Variants in RXRA observed in about 807,000 individuals in gnomAD.
The protein encoded by RXRA is retinoid X receptor alpha.
Under a neutral mutation model 44.5 loss-of-function variants are expected in RXRA, and 5 were observed. The ratio of observed to expected loss-of-function variants is 0.11; its 90% CI spans 0.06 to 0.24. The LOEUF (loss-of-function observed/expected upper bound fraction) is 0.24, where lower values mean the gene tolerates loss of function less well. Ranked by LOEUF, RXRA falls within the 10% of genes least tolerant of loss-of-function variation. The pLI is 1.00. For missense variants in RXRA, 412 were observed against 646.5 expected, an observed-to-expected ratio of 0.64 and a Z score of 3.93; for synonymous variants, 291 against 271.4, an observed-to-expected ratio of 1.07 and a Z score of -0.71.
Position 134,436,679 on chromosome 9 carries a change from C to T in RXRA, c.*65C>T. 1 of 1,592,786 alleles carries T rather than the reference C, an allele frequency of 6.3e-7. No homozygotes were observed. The highest frequency in any genetic ancestry group is 8.6e-7 in the Non-Finnish European group (1 of 1,165,832). ...CCCTGCCTGGACGCCAGCTGTTCTT[C>T]TCAGCCTGAGCCCTGTCCCTGCCCT... is the stretch of plus-strand genomic sequence containing the variant. On this transcript the variant is annotated 3_prime_UTR_variant, in exon 10 of 10. Transcript: ENST00000481739.
intron 1 of RXRA, among the ~76,000 whole-genome samples, chr9:134,345,035 A>T (rs1789187576): frequency 6.6e-6 from 1 of 152,146 alleles, no homozygotes; most frequent in South Asian, 2.1e-4. Context: ...GGCCAGAATC[A>T]CGAGGCCCAG....
chr9:134,378,103 G>C (rs1588273916), intron 1 of RXRA, among the ~76,000 whole-genome samples: 2 of 152,366 alleles, frequency 1.3e-5, no homozygotes, highest in East Asian at 3.9e-4. Context: ...TGGCGACGAG[G>C]AGCTAGCTCG....
chr9:134,414,993 C>G (rs993869037), intron 4 of RXRA, among the ~76,000 whole-genome samples: 3 of 152,182 alleles, frequency 2.0e-5, no homozygotes, highest in Middle Eastern at 3.2e-3. Context: ...TCTGCCAGAC[C>G]CTTGCCATTT....
intron 9 of RXRA, among the ~76,000 whole-genome samples, chr9:134,435,742 TC>T (rs1487469706): frequency 6.6e-6 from 1 of 152,142 alleles, no homozygotes. Context: ...CCGGGCCTGT[TC>T]CCTGCGACTC....
chr9:134,393,350 G>C (rs1830828139), intron 1 of RXRA, among the ~76,000 whole-genome samples: 1 of 152,252 alleles, frequency 6.6e-6, no homozygotes, highest in African/African-American at 2.4e-5. Flanking sequence ...TGCCCCTCCT[G>C]TCCACATCTG....
rs537231520 is a variant in RXRA at position 134,417,191 on chromosome 9, G to A, written c.644G>A (p.Arg215Gln). The change falls in exon 5 of 10, where the codon CGG becomes CAG. Residue 215 changes from arginine (R) to glutamine (Q), a missense_variant. Physicochemically the swap from Arg to Gln is conservative, Grantham distance 43. Transcript: ENST00000481739. This position sits in a 1 kb window ranked among gnomAD's most constrained non-coding sequence, Gnocchi z 6.1. The stretch of plus-strand genomic sequence containing the variant: ...GAGGAGCGGCAGCGTGGCAAGGACC[G>A]GAACGAGAATGAGGTGGAGTCGACC... ...VQEERQRGKDRNENEVESTSS... is the reference protein window; with the variant it reads ...VQEERQRGKDQNENEVESTSS... 4.3e-6 allele frequency: 7 copies of A among 1,613,158 alleles called. No individual in the cohort carries two copies. Among genetic ancestry groups the A allele is most frequent in the East Asian group, 2.2e-5 (1 of 44,876 alleles).
intron 6 of RXRA, among the ~76,000 whole-genome samples, chr9:134,427,992 G>A (rs1213273789): frequency 6.6e-6 from 1 of 152,106 alleles, no homozygotes; most frequent in African/African-American, 2.4e-5. Flanking sequence ...GTGTGTGCGC[G>A]AGGGTCCCTG....
At chr9:134,389,092 CGG>C (rs1564281383) in intron 1 of RXRA, among the ~76,000 whole-genome samples, 2 of 152,202 alleles carry the variant, frequency 1.3e-5, no homozygotes, top group African/African-American at 4.8e-5. Context: ...GGGTCCTCCT[CGG>C]AGAGTCACAT....
chr9:134,347,385 C>T lies in RXRA; in HGVS notation c.28+20726C>T, dbSNP rs560357934. Among the ~76,000 whole-genome samples, 18 of 152,370 alleles carry T rather than the reference C, an allele frequency of 1.2e-4. No individual in the cohort carries two copies. In the South Asian group the frequency reaches 3.7e-3, roughly 32 times the overall value. On this transcript the variant is annotated intron_variant, in intron 1 of 9. Transcript: ENST00000481739. ...GTGCTCGTGGTCAGCCTGCCTTTGT[C>T]TCTGCGCCCTGAGTGCAGCGCAGCT...
intron 3 of RXRA, 63 bp from the exon 4 acceptor site, chr9:134,408,877 G>T: frequency 2.1e-6 from 3 of 1,407,196 alleles, no homozygotes; most frequent in Admixed American, 2.7e-5. Flanking sequence ...GGCGTTGGAT[G>T]GGGGGTGGGC....
intron 1 of RXRA, among the ~76,000 whole-genome samples, chr9:134,351,387 G>T (rs1230217264): frequency 1.3e-5 from 2 of 152,182 alleles, no homozygotes; most frequent in Non-Finnish European, 2.9e-5. Context: ...CCGGCAGGCT[G>T]GTTGTGAGGC....
chr9:134,387,284 G>A (rs1474514870), intron 1 of RXRA, among the ~76,000 whole-genome samples: 1 of 152,250 alleles, frequency 6.6e-6, no homozygotes, highest in East Asian at 1.9e-4. Context: ...GAGTGCCAGG[G>A]CCCATGTGGA....
intron 4 of RXRA, among the ~76,000 whole-genome samples, chr9:134,411,876 G>T (rs537688428): frequency 6.6e-6 from 1 of 152,292 alleles, no homozygotes; most frequent in East Asian, 1.9e-4. Flanking sequence ...TGTGTGGGCT[G>T]CACAGCCAGG....
At chr9:134,372,997 GGAACCTGT>G (rs1468723396) in intron 1 of RXRA, among the ~76,000 whole-genome samples, 12 of 152,226 alleles carry the variant, frequency 7.9e-5, no homozygotes, top group African/African-American at 2.7e-4. Flanking sequence ...TGGCATTCCA[GGAACCTGT>G]GGTCAAGCCT....
chr9:134,424,285 A>C, intron 6 of RXRA: 2 of 985,272 alleles, frequency 2.0e-6, no homozygotes, highest in Non-Finnish European at 2.4e-6. Flanking sequence ...CCCTTCTAGG[A>C]TGCCTGGAAA....
chr9:134,342,092 G>A lies in RXRA; in HGVS notation c.28+15433G>A, dbSNP rs1830092997. On this transcript the variant is annotated intron_variant, in intron 1 of 9. Coordinates refer to ENST00000481739, the MANE Select transcript of RXRA (RefSeq NM_002957.6). This position sits in a 1 kb window ranked among gnomAD's most constrained non-coding sequence, Gnocchi z 4.4. ...GGGACATGAAGACCCCGAATGAGGA[G>A]GCGTCTCCCTGAAGGCGCTCTGCTG... is the stretch of plus-strand genomic sequence containing the variant. Among the ~76,000 whole-genome samples the A allele has an allele frequency of 1.3e-5, 2 of 152,138 alleles. No individual in the cohort carries two copies. The highest frequency in any genetic ancestry group is 2.4e-5 in the African/African-American group (1 of 41,426).
intron 1 of RXRA, among the ~76,000 whole-genome samples, chr9:134,344,745 C>T (rs1158216123): frequency 8.5e-5 from 13 of 152,320 alleles, no homozygotes; most frequent in Non-Finnish European, 1.6e-4. Flanking sequence ...ACCACCATAC[C>T]CCTTAGCAAC....
At chr9:134,424,864 T>G (rs936206435) in intron 6 of RXRA, 2 of 985,296 alleles carry the variant, frequency 2.0e-6, no homozygotes, top group African/African-American at 3.5e-5. Flanking sequence ...GGTTTTCTTC[T>G]GGCAGGAGGC....
Position 134,366,713 on chromosome 9 carries a change from G to C in RXRA, c.29-34919G>C, listed in dbSNP as rs1401586369. On this transcript the variant is annotated intron_variant, in intron 1 of 9. Coordinates refer to ENST00000481739, the MANE Select transcript of RXRA (RefSeq NM_002957.6). This position sits in a 1 kb window ranked among gnomAD's most constrained non-coding sequence, Gnocchi z 5.9. ...TTCCTGCCTCAGAAGCTGAACCCCGGGGACAGTGTTGGTCAGAAAAGCCAT... is the reference window on the plus strand; with the variant it reads ...TTCCTGCCTCAGAAGCTGAACCCCGCGGACAGTGTTGGTCAGAAAAGCCAT... Among the ~76,000 whole-genome samples, 1 of 152,180 alleles carries C rather than the reference G, an allele frequency of 6.6e-6. No homozygotes were observed. Among genetic ancestry groups the C allele is most frequent in the African/African-American group, 2.4e-5 (1 of 41,430 alleles).
Sources: allele counts gnomAD v4.1 joint callset (sites outside exome capture counted in the v4.1 genomes callset), GRCh38; gene constraint gnomAD v4.1.1; non-coding constraint Gnocchi (gnomAD v3.1); transcripts MANE v1.5; gene names NCBI Gene and HGNC (gene_info 2026-07-23, HGNC 2026-07-21).